The following RASSF8 variants were observed in gnomAD, a reference collection of about 807,000 sequenced individuals.
RASSF8 encodes Ras association domain family member 8.
A neutral mutation model predicts 48.5 loss-of-function variants in RASSF8; 22 were observed. The ratio of observed to expected loss-of-function variants is 0.45; its 90% CI spans 0.32 to 0.65. RASSF8 has a LOEUF of 0.65. Ranked by LOEUF, RASSF8 falls within the 30% of genes least tolerant of loss-of-function variation. The probability of loss-of-function intolerance (pLI) is 0.03; values close to 1 mark genes in which losing one functional copy is unlikely to be tolerated. For missense variants in RASSF8, 418 were observed against 489.2 expected, an observed-to-expected ratio of 0.85 and a Z score of 1.37; for synonymous variants, 127 against 171.5, an observed-to-expected ratio of 0.74 and a Z score of 2.03.
intron 2 of RASSF8, among the ~76,000 whole-genome samples, chr12:26,008,248 G>A (rs1369733012): frequency 6.6e-6 from 1 of 151,896 alleles, no homozygotes; most frequent in Admixed American, 6.6e-5. Flanking sequence ...TCCAGCCTGG[G>A]CAACACAGCG....
intron 2 of RASSF8, among the ~76,000 whole-genome samples, chr12:26,024,861 G>T (rs900505580): frequency 6.6e-6 from 1 of 152,082 alleles, no homozygotes; most frequent in Non-Finnish European, 1.5e-5. Flanking sequence ...GGAGGCTGAG[G>T]CAGGAGAACA....
At chr12:26,068,286 A>G (rs1176988360) in intron 5 of RASSF8, among the ~76,000 whole-genome samples, 1 of 152,084 alleles carries the variant, frequency 6.6e-6, no homozygotes. Flanking sequence ...TCTTTATTAA[A>G]ACTTTTTTCT....
At chr12:25,977,543 A>G (rs1941636723) in intron 1 of RASSF8, among the ~76,000 whole-genome samples, 1 of 152,064 alleles carries the variant, frequency 6.6e-6, no homozygotes, top group Admixed American at 6.6e-5. Flanking sequence ...TCATGTATTT[A>G]ACAGGAAAAT....
chr12:25,982,080 T>C (rs1941758318), intron 1 of RASSF8, among the ~76,000 whole-genome samples: 1 of 151,466 alleles, frequency 6.6e-6, no homozygotes, highest in African/African-American at 2.4e-5. Flanking sequence ...CAGGTGGATC[T>C]TTTTTTTTAG....
Position 26,070,200 on chromosome 12 carries a change from A to G in RASSF8, c.*1382A>G, listed in dbSNP as rs898499974. The G allele has an allele frequency of 9.3e-6, 9 of 965,502 alleles. No individual in the cohort carries two copies. In the African/African-American group the frequency reaches 1.6e-4, roughly 17 times the overall value. The allele number at this position is 965,502 out of a possible 1,614,324, so 59.8% of individuals were successfully genotyped here. A position where few individuals can be genotyped will look rare whatever the true frequency, so the allele number is the denominator to read the frequency against. ...ACATCCTCTGTATTATTTACATGCA[A>G]CAAAATAAAAGTGGATTAATATAGT... On this transcript the variant is annotated 3_prime_UTR_variant, in exon 6 of 6. Coordinates refer to ENST00000689635, the MANE Select transcript of RASSF8 (RefSeq NM_001394098.1).
At chr12:26,025,562 C>CA (rs34036145) in intron 2 of RASSF8, among the ~76,000 whole-genome samples, 2,550 of 100,580 alleles carry the variant, frequency 0.025, 79 homozygotes, top group African/African-American at 0.074. Context: ...GACTCTGTCT[C>CA]AAAAAAAAAA....
chr12:26,003,189 G>C (rs781202845), intron 2 of RASSF8, among the ~76,000 whole-genome samples: 14 of 152,078 alleles, frequency 9.2e-5, no homozygotes, highest in Non-Finnish European at 1.8e-4. Context: ...ATCAAATGCT[G>C]TTTCTGTGTC....
chr12:26,048,732 T>C (rs79050400), intron 2 of RASSF8, among the ~76,000 whole-genome samples: 5,585 of 152,104 alleles, frequency 0.037, 131 homozygotes, highest in East Asian at 0.062. Context: ...GTTTTTGTTT[T>C]GTTTTTTGTT....
At chr12:26,012,231 C>T (rs1185990935) in intron 2 of RASSF8, among the ~76,000 whole-genome samples, 3 of 152,158 alleles carry the variant, frequency 2.0e-5, no homozygotes, top group Non-Finnish European at 4.4e-5. Context: ...ACCTACCTTA[C>T]AAGATTATTA....
chr12:26,024,319 T>G (rs908216379), intron 2 of RASSF8, among the ~76,000 whole-genome samples: 23 of 152,112 alleles, frequency 1.5e-4, no homozygotes, highest in African/African-American at 5.6e-4. Context: ...CATTTCTGTA[T>G]CTCATTGGAA....
At position 26,005,925 on chromosome 12, in the gene RASSF8, T is replaced by G. The variant is rs74071356; in HGVS notation, c.-109+10795T>G. Among the ~76,000 whole-genome samples, 1,345 of 152,336 alleles carry G rather than the reference T, an allele frequency of 8.8e-3. 23 individuals are homozygous for G. Among genetic ancestry groups the G allele is most frequent in the African/African-American group, 0.031 (1,286 of 41,582 alleles). On this transcript the variant is annotated intron_variant, in intron 2 of 5. Coordinates refer to ENST00000689635, the MANE Select transcript of RASSF8 (RefSeq NM_001394098.1). ...CCTAAGTCCAGAGTTCTGTATCAGT[T>G]GAATGGTTTTTCATCTGTCTTTGTC...
At chr12:26,006,697 C>A (rs566160880) in intron 2 of RASSF8, among the ~76,000 whole-genome samples, 4 of 152,196 alleles carry the variant, frequency 2.6e-5, no homozygotes. Context: ...AACCAGGACC[C>A]ATAGTCACTC....
downstream of RASSF8, among the ~76,000 whole-genome samples, chr12:26,073,528 G>A (rs1944036939): frequency 6.6e-6 from 1 of 152,156 alleles, no homozygotes; most frequent in East Asian, 1.9e-4. Context: ...CTTGAGGTCA[G>A]GAGTTCGAGA....
At chr12:25,964,199 G>GT (rs1348106275) in intron 1 of RASSF8, among the ~76,000 whole-genome samples, 1 of 151,828 alleles carries the variant, frequency 6.6e-6, no homozygotes, top group African/African-American at 2.4e-5. Flanking sequence ...CCTTGAACAA[G>GT]TTGCCTTGAG....
chr12:26,033,125 T>C (rs1943063472), intron 2 of RASSF8, among the ~76,000 whole-genome samples: 1 of 152,204 alleles, frequency 6.6e-6, no homozygotes, highest in East Asian at 1.9e-4. Flanking sequence ...ATGGTTTAAA[T>C]GTTGCTAAAT....
Position 26,068,690 on chromosome 12 carries a change from T to G in RASSF8, c.1139-7T>G, listed in dbSNP as rs1190458721. ...TCATCAGGTGGCTCTCTTTGTTTCC[T>G]GTTTAGAGGCACCATTCCAGTCTGG... On this transcript the variant is annotated splice_region_variant and splice_polypyrimidine_tract_variant and intron_variant, in intron 5 of 5. Coordinates refer to ENST00000689635, the MANE Select transcript of RASSF8 (RefSeq NM_001394098.1). 1 of 1,536,038 alleles carries G rather than the reference T, an allele frequency of 6.5e-7. No individual in the cohort carries two copies. Among genetic ancestry groups the G allele is most frequent in the Non-Finnish European group, 8.7e-7 (1 of 1,145,726 alleles).
In RASSF8 at chr12:26,072,080, C is replaced by T. The variant is rs994849596; in HGVS notation, c.*3262C>T. The T allele has an allele frequency of 2.9e-5, 29 of 985,138 alleles. No individual in the cohort carries two copies. Among genetic ancestry groups the T allele is most frequent in the South Asian group, 1.4e-4 (3 of 21,290 alleles). 61.0% of individuals were successfully genotyped at this position (985,138 alleles called of 1,614,324 possible). A position where few individuals can be genotyped will look rare whatever the true frequency, so the allele number is the denominator to read the frequency against. On this transcript the variant is annotated 3_prime_UTR_variant, in exon 6 of 6. Coordinates refer to ENST00000689635, the MANE Select transcript of RASSF8 (RefSeq NM_001394098.1). ...CTTTTGATTTCAGGCATGCAAAGTG[C>T]TTGGGCAGATGGACAGTTCCCATTG... is the stretch of plus-strand genomic sequence containing the variant.
chr12:25,992,657 G>A (rs1165263402), intron 1 of RASSF8, among the ~76,000 whole-genome samples: 1 of 152,182 alleles, frequency 6.6e-6, no homozygotes, highest in Non-Finnish European at 1.5e-5. Context: ...ACTGAAGTGG[G>A]GTGAGGTAAT....
At chr12:26,049,840 A>G (rs913259692) in intron 2 of RASSF8, among the ~76,000 whole-genome samples, 1 of 152,162 alleles carries the variant, frequency 6.6e-6, no homozygotes, top group African/African-American at 2.4e-5. Context: ...CTGGAGTGCA[A>G]TAGTGTGATA....
Sources: allele counts gnomAD v4.1 joint callset (sites outside exome capture counted in the v4.1 genomes callset), GRCh38; gene constraint gnomAD v4.1.1; transcripts MANE v1.5; gene names NCBI Gene and HGNC (gene_info 2026-07-23, HGNC 2026-07-21).